MBD3L1: variants seen among roughly 807,000 people sequenced by gnomAD.
MBD3L1 encodes the protein methyl-CpG-binding domain protein 3-like 1.
For synonymous variants in MBD3L1, 84 were observed against 85.1 expected (o/e 0.99, Z 0.07); for missense variants, 203 against 230.1 (o/e 0.88, Z 0.76).
At chr19:8,834,075 G>A (rs184487090) in intron 1 of MBD3L1, among the ~76,000 whole-genome samples, 1 of 152,052 alleles carries the variant, frequency 6.6e-6, no homozygotes, top group Non-Finnish European at 1.5e-5. Flanking sequence ...GTAAGAGAGT[G>A]GTAACATTTA....
intron 1 of MBD3L1, among the ~76,000 whole-genome samples, chr19:8,834,272 T>G (rs1305316939): frequency 6.6e-6 from 1 of 152,152 alleles, no homozygotes; most frequent in African/African-American, 2.4e-5. Flanking sequence ...AAGACTGTTC[T>G]CTTCAACAAA....
At chr19:8,836,464 T>TC (rs928192773) in intron 1 of MBD3L1, among the ~76,000 whole-genome samples, 4 of 148,278 alleles carry the variant, frequency 2.7e-5, no homozygotes, top group East Asian at 4.0e-4. Context: ...TTCCTCCTCC[T>TC]CCCCCCCTCT....
At chr19:8,839,449 C>T (rs1290344778) in intron 1 of MBD3L1, among the ~76,000 whole-genome samples, 2 of 152,072 alleles carry the variant, frequency 1.3e-5, no homozygotes, top group South Asian at 2.1e-4. Flanking sequence ...ATCTGCCCGC[C>T]TCGGCCTCCC....
intron 1 of MBD3L1, among the ~76,000 whole-genome samples, chr19:8,834,368 G>T (rs1465824465): frequency 6.6e-6 from 1 of 152,150 alleles, no homozygotes; most frequent in Non-Finnish European, 1.5e-5. Flanking sequence ...CCAGCACTTT[G>T]GGAGGCTGAG....
chr19:8,838,090 T>C (rs1599309984), intron 1 of MBD3L1, among the ~76,000 whole-genome samples: 1 of 149,984 alleles, frequency 6.7e-6, no homozygotes, highest in South Asian at 2.1e-4. Context: ...CTACTAAAAA[T>C]ACAAAAAATA....
At chr19:8,836,369 T>A (rs2044455399) in intron 1 of MBD3L1, among the ~76,000 whole-genome samples, 1 of 151,920 alleles carries the variant, frequency 6.6e-6, no homozygotes. Flanking sequence ...CCTTTCTTCC[T>A]TCTTCCTTAC....
In MBD3L1 at chr19:8,843,251, T is replaced by G; in HGVS notation, c.573T>G (p.Pro191=). The change falls in exon 3 of 3, where the codon CCT becomes CCG. Residue 191 remains proline (P), a synonymous_variant. Transcript: ENST00000595891. ...AAGTGAGAGACCAAGAAGGCCGTCC[T>G]GAAAAACGCTAAGAAAAAAAGGGAA... ...AEKVRDQEGR[P]EKR is the part of the protein sequence containing the mutation. The G allele has an allele frequency of 6.4e-7, 1 of 1,573,748 alleles. No individual in the cohort carries two copies. The highest frequency in any genetic ancestry group is 8.6e-7 in the Non-Finnish European group (1 of 1,162,312).
chr19:8,837,736 G>A (rs932340494), intron 1 of MBD3L1, among the ~76,000 whole-genome samples: 5 of 152,106 alleles, frequency 3.3e-5, no homozygotes, highest in Non-Finnish European at 7.4e-5. Context: ...AGTCACTTCC[G>A]GCTACCTTAA....
intron 1 of MBD3L1, among the ~76,000 whole-genome samples, chr19:8,834,153 ATAGT>A (rs1232875841): frequency 7.9e-5 from 12 of 152,350 alleles, no homozygotes; most frequent in African/African-American, 1.7e-4. Flanking sequence ...TCAGAAAAAA[ATAGT>A]TAGATCTCTG....
chr19:8,834,606 A>G (rs2044433307), intron 1 of MBD3L1, among the ~76,000 whole-genome samples: 1 of 104,038 alleles, frequency 9.6e-6, no homozygotes, highest in Admixed American at 1.2e-4. Flanking sequence ...GACTCCATCA[A>G]AAAAAAAAAA....
intron 2 of MBD3L1, among the ~76,000 whole-genome samples, chr19:8,842,211 A>G (rs1485785794): frequency 1.3e-5 from 2 of 151,592 alleles, no homozygotes; most frequent in East Asian, 3.9e-4. Flanking sequence ...CTGTAGTCCC[A>G]GCTACGCGGG....
chr19:8,834,686 A>G (rs919410104), intron 1 of MBD3L1, among the ~76,000 whole-genome samples: 10 of 152,016 alleles, frequency 6.6e-5, no homozygotes, highest in Admixed American at 5.9e-4. Flanking sequence ...CAGAGAATGA[A>G]ATTGGACCTC....
chr19:8,834,055 A>G (rs2044424295), intron 1 of MBD3L1, among the ~76,000 whole-genome samples: 1 of 152,186 alleles, frequency 6.6e-6, no homozygotes, highest in African/African-American at 2.4e-5. Context: ...GCAAAGGGAA[A>G]AAATTTTATG....
rs191297243 is a variant in MBD3L1, at chr19:8,840,171, G to A, written c.-106-744G>A. Among the ~76,000 whole-genome samples the A allele has an allele frequency of 2.1e-4, 31 of 149,374 alleles. No homozygotes were observed. The East Asian group carries it at 2.7e-3, about 13-fold the overall frequency. ...TGTACTCCAGTCTGGGCTATAGAGC[G>A]GGACTCCGTCTCAAAAAAAAAAAAA... On this transcript the variant is annotated intron_variant, in intron 1 of 2. Coordinates refer to ENST00000595891, the MANE Select transcript of MBD3L1 (RefSeq NM_001393532.1).
intron 1 of MBD3L1, among the ~76,000 whole-genome samples, chr19:8,838,252 C>CAGAAAAAAAAAA (rs2044474829): frequency 8.5e-5 from 1 of 11,832 alleles, no homozygotes; most frequent in Non-Finnish European, 1.7e-4. Flanking sequence ...GACTCCATCT[C>CAGAAAAAAAAAA]AAAAAAAAAA....
chr19:8,843,282 T>C lies in MBD3L1; in HGVS notation c.*19T>C, dbSNP rs577223597. The C allele has an allele frequency of 3.3e-6, 5 of 1,507,548 alleles. No homozygotes were observed. Among genetic ancestry groups the C allele is most frequent in the Non-Finnish European group, 4.4e-6 (5 of 1,124,866 alleles). 93.4% of individuals were successfully genotyped at this position (1,507,548 alleles called of 1,614,324 possible). On this transcript the variant is annotated 3_prime_UTR_variant, in exon 3 of 3. Transcript: ENST00000595891. ...ACGCTAAGAAAAAAAGGGAAGATAG[T>C]GCAGATGAAATAAAGTGTAATCCTT... is the stretch of plus-strand genomic sequence containing the variant.
At chr19:8,834,627 CCAAAAAAAAA>C (rs1158414444) in intron 1 of MBD3L1, among the ~76,000 whole-genome samples, 3 of 146,346 alleles carry the variant, frequency 2.0e-5, no homozygotes, top group African/African-American at 7.5e-5. Flanking sequence ...CAAACCAAAA[CCAAAAAAAAA>C]CAAAAAAAAA....
intron 1 of MBD3L1, chr19:8,833,208 A>G (rs2145333135): frequency 6.6e-6 from 1 of 152,334 alleles, no homozygotes; most frequent in South Asian, 2.1e-4. Flanking sequence ...GATTGTTGAT[A>G]CAGTTACTGC....
At chr19:8,833,963 C>T (rs950835514) in intron 1 of MBD3L1, among the ~76,000 whole-genome samples, 3 of 151,518 alleles carry the variant, frequency 2.0e-5, no homozygotes, top group African/African-American at 4.9e-5. Context: ...CACTCCAGCC[C>T]GGGTGACGAG....
Sources: allele counts gnomAD v4.1 joint callset (sites outside exome capture counted in the v4.1 genomes callset), GRCh38; gene constraint gnomAD v4.1.1; transcripts MANE v1.5; gene names NCBI Gene and HGNC (gene_info 2026-07-23, HGNC 2026-07-21).